The following PLCG2 variants were observed in gnomAD, a reference collection of about 807,000 sequenced individuals.
The protein encoded by PLCG2 is phospholipase C gamma 2, also known as 1-phosphatidylinositol 4,5-bisphosphate phosphodiesterase gamma-2.
A neutral mutation model predicts 175.6 loss-of-function variants in PLCG2; 69 were observed. The observed-to-expected ratio is 0.39, with a 90% CI of 0.32 to 0.48. PLCG2 has a LOEUF of 0.48. Among genes scored for constraint, PLCG2 ranks in the 20% least tolerant of loss-of-function variants. The pLI, the probability that PLCG2 is intolerant of heterozygous loss-of-function variation, is 0.91. For missense variants in PLCG2, 1,798 were observed against 1,650.9 expected, an observed-to-expected ratio of 1.09 and a Z score of -1.54; for synonymous variants, 827 against 624.0, an observed-to-expected ratio of 1.33 and a Z score of -4.85.
At chr16:81,741,805 C>CAA (rs541364004) in intron 1 of PLCG2, among the ~76,000 whole-genome samples, 119 of 148,314 alleles carry the variant, frequency 8.0e-4, no homozygotes, top group Middle Eastern at 6.8e-3. Context: ...GAGACTGTCT[C>CAA]AAAAAAAAAA....
intron 15 of PLCG2, 53 bp downstream of exon 15, chr16:81,905,560 T>G (rs1909332932): frequency 6.1e-6 from 7 of 1,155,136 alleles, no homozygotes; most frequent in East Asian, 2.4e-5. Flanking sequence ...TTGCAGCTGC[T>G]TCTTGGAGCC....
At chr16:81,938,764 C>A in intron 28 of PLCG2, 37 bp from the exon 29 acceptor site, 4 of 1,343,402 alleles carry the variant, frequency 3.0e-6, no homozygotes, top group South Asian at 1.2e-5. Flanking sequence ...TGTTCAGGAC[C>A]CCAGGGGGGT....
rs755775476 is a variant in PLCG2 at position 81,785,964 on chromosome 16, C to A, written c.-26C>A. 1.9e-6 allele frequency: 3 copies of A among 1,601,760 alleles called. No individual in the cohort carries two copies. The Admixed American group carries it at 5.1e-5, about 27-fold the overall frequency. On this transcript the variant is annotated 5_prime_UTR_variant, in exon 2 of 33. Coordinates refer to ENST00000564138, the MANE Select transcript of PLCG2 (RefSeq NM_002661.5). Reference sequence around the variant, plus strand: ...TCAGCTTCCTGATTTCTCCCGATTCCTTCCTTCTCCCTGGAGCGGCCGACA... The same window carrying A: ...TCAGCTTCCTGATTTCTCCCGATTCATTCCTTCTCCCTGGAGCGGCCGACA...
chr16:81,782,723 C>T (rs929031622), intron 1 of PLCG2, among the ~76,000 whole-genome samples: 1 of 152,224 alleles, frequency 6.6e-6, no homozygotes, highest in Non-Finnish European at 1.5e-5. Flanking sequence ...CATGTTAAGC[C>T]AGTACAGGAT....
At chr16:81,797,996 A>G (rs1184626048) in intron 2 of PLCG2, among the ~76,000 whole-genome samples, 2 of 151,754 alleles carry the variant, frequency 1.3e-5, no homozygotes, top group Non-Finnish European at 2.9e-5. Flanking sequence ...TCACCTGGCT[A>G]ATTTTTGTAT....
chr16:81,934,566 C>G, intron 26 of PLCG2, 35 bp downstream of exon 26: 5 of 1,245,440 alleles, frequency 4.0e-6, no homozygotes, highest in Non-Finnish European at 5.9e-6. Flanking sequence ...CCTATAACTC[C>G]AATGAAAACT....
At chr16:81,821,999 C>T (rs1487733955) in intron 2 of PLCG2, among the ~76,000 whole-genome samples, 1 of 152,098 alleles carries the variant, frequency 6.6e-6, no homozygotes, top group African/African-American at 2.4e-5. Context: ...TTCTCTTTTC[C>T]TGTGTTAACT....
At chr16:81,854,620 C>A in intron 3 of PLCG2, 33 bp downstream of exon 3, 1 of 1,604,450 alleles carries the variant, frequency 6.2e-7, no homozygotes, top group South Asian at 1.1e-5. Context: ...TTCTCCTTCC[C>A]TGTGCCTTAG....
intron 5 of PLCG2, among the ~76,000 whole-genome samples, chr16:81,861,524 C>A (rs1347844938): frequency 6.6e-6 from 1 of 152,240 alleles, no homozygotes; most frequent in Non-Finnish European, 1.5e-5. Flanking sequence ...CCTTTCTCTC[C>A]GTCCTCTTCT....
chr16:81,857,289 A>G (rs534615656), intron 3 of PLCG2, among the ~76,000 whole-genome samples: 6 of 152,320 alleles, frequency 3.9e-5, no homozygotes, highest in African/African-American at 1.4e-4. Context: ...GCTGGGGTTG[A>G]GAAACTCTGC....
rs189868947 is a variant in PLCG2 at position 81,941,781 on chromosome 16, C to G, written c.3481+1722C>G. Among the ~76,000 whole-genome samples, 326 of 151,616 alleles carry G rather than the reference C, an allele frequency of 2.2e-3. 3 individuals carry two copies. Among genetic ancestry groups the G allele is most frequent in the African/African-American group, 7.6e-3 (314 of 41,242 alleles). ...GGGTGATCTCGGCTCACTGTAACCT[C>G]TGCCTCAGCCTCCTCAGTAGCTGGG... On this transcript the variant is annotated intron_variant, in intron 30 of 32. Transcript: ENST00000564138.
chr16:81,927,797 G>C (rs1910337535), intron 23 of PLCG2, among the ~76,000 whole-genome samples: 1 of 152,210 alleles, frequency 6.6e-6, no homozygotes, highest in African/African-American at 2.4e-5. Flanking sequence ...AGTCAAGTTA[G>C]AGTTCAACAG....
chr16:81,869,527 C>G lies in PLCG2; in HGVS notation c.564+229C>G, dbSNP rs1440527676. On this transcript the variant is annotated intron_variant, in intron 6 of 32. Coordinates refer to ENST00000564138, the MANE Select transcript of PLCG2 (RefSeq NM_002661.5). ...AGACCATGTTTACTGAGCTCTTGGA[C>G]TTGGAACATCTACCCTCAGACCTGT... is the stretch of plus-strand genomic sequence containing the variant. 3.3e-5 allele frequency among the ~76,000 whole-genome samples: 5 copies of G among 152,340 alleles called. 1 individual carries two copies. The South Asian group carries it at 1.0e-3, about 32-fold the overall frequency.
At chr16:81,892,868 G>C (rs1274553438) in intron 11 of PLCG2, among the ~76,000 whole-genome samples, 1 of 138,814 alleles carries the variant, frequency 7.2e-6, no homozygotes, top group South Asian at 2.3e-4. Flanking sequence ...TTTTTTTTGA[G>C]ACAGAGTCTC....
intron 2 of PLCG2, among the ~76,000 whole-genome samples, chr16:81,847,295 G>A (rs1350153117): frequency 6.6e-6 from 1 of 152,170 alleles, no homozygotes; most frequent in African/African-American, 2.4e-5. Flanking sequence ...ACTTCCATGT[G>A]TTTAGCAACC....
At chr16:81,824,805 C>A (rs963687376) in intron 2 of PLCG2, among the ~76,000 whole-genome samples, 1 of 152,154 alleles carries the variant, frequency 6.6e-6, no homozygotes, top group African/African-American at 2.4e-5. Flanking sequence ...ATCTTTGGAA[C>A]CTGTGGATAT....
chr16:81,750,530 C>T (rs1909787954), intron 1 of PLCG2, among the ~76,000 whole-genome samples: 2 of 151,894 alleles, frequency 1.3e-5, no homozygotes, highest in Non-Finnish European at 2.9e-5. Flanking sequence ...AGGTTCATTG[C>T]AGCATCATTC....
intron 21 of PLCG2, 94 bp downstream of exon 21, chr16:81,921,363 G>C (rs773985252): frequency 1.2e-6 from 1 of 857,984 alleles, no homozygotes; most frequent in Non-Finnish European, 2.0e-6. Context: ...CAGGGCAAGG[G>C]AAGACTTTGG....
At chr16:81,912,854 A>C in intron 19 of PLCG2, 138 bp downstream of exon 19, 3 of 1,098,966 alleles carry the variant, frequency 2.7e-6, no homozygotes, top group South Asian at 1.7e-5. Context: ...AACAACCACC[A>C]CAGCAAAAGC....
Sources: allele counts gnomAD v4.1 joint callset (sites outside exome capture counted in the v4.1 genomes callset), GRCh38; gene constraint gnomAD v4.1.1; transcripts MANE v1.5; gene names NCBI Gene and HGNC (gene_info 2026-07-23, HGNC 2026-07-21).